PRKG1: variants seen among roughly 807,000 people sequenced by gnomAD.
PRKG1 encodes protein kinase cGMP-dependent 1, also known as cGMP-dependent protein kinase 1.
Under a neutral mutation model 88.1 loss-of-function variants are expected in PRKG1, and 35 were observed. The ratio of observed to expected loss-of-function variants is 0.40; its 90% confidence interval spans 0.30 to 0.53. PRKG1 has a LOEUF of 0.53. Ranked by LOEUF, PRKG1 falls within the 20% of genes least tolerant of loss-of-function variation. The pLI is 0.59. For missense variants in PRKG1, 540 were observed against 839.8 expected, an observed-to-expected ratio of 0.64 and a Z score of 4.41; for synonymous variants, 303 against 292.5, an observed-to-expected ratio of 1.04 and a Z score of -0.37.
At chr10:51,585,766 C>T (rs756153918) in intron 3 of PRKG1, among the ~76,000 whole-genome samples, 2 of 152,166 alleles carry the variant, frequency 1.3e-5, no homozygotes, top group African/African-American at 2.4e-5. Flanking sequence ...GGTGCATATA[C>T]ACCATGGAAT....
chr10:51,138,977 C>T (rs565608273), intron 1 of PRKG1, among the ~76,000 whole-genome samples: 5 of 152,158 alleles, frequency 3.3e-5, no homozygotes, highest in African/African-American at 7.2e-5. Context: ...CCACTCCGCC[C>T]GGCCACATTT....
rs139515627 is a variant in PRKG1, at chr10:51,968,036, G to A, written c.762+60466G>A. On this transcript the variant is annotated intron_variant, in intron 5 of 17. Coordinates refer to ENST00000373980, the MANE Select transcript of PRKG1 (RefSeq NM_006258.4). The stretch of plus-strand genomic sequence containing the variant: ...TTAGAGCTTAAGACAGTGTTTAGCC[G>A]TTTCCTTCTTACTAATACTTGAATT... 6.3e-3 allele frequency among the ~76,000 whole-genome samples: 957 copies of A among 152,218 alleles called. 5 individuals are homozygous for A. The highest frequency in any genetic ancestry group is 0.02 in the African/African-American group (840 of 41,540).
chr10:51,229,926 CAAAA>C (rs35300789), intron 2 of PRKG1, among the ~76,000 whole-genome samples: 1 of 33,588 alleles, frequency 3.0e-5, no homozygotes, highest in Non-Finnish European at 7.0e-5. Flanking sequence ...GAGGCGATCT[CAAAA>C]AAAAAAAAAA....
intron 9 of PRKG1, among the ~76,000 whole-genome samples, chr10:52,166,714 G>A (rs1272736707): frequency 6.8e-6 from 1 of 147,066 alleles, no homozygotes; most frequent in Non-Finnish European, 1.5e-5. Context: ...TGTATAGCTT[G>A]TATCTTTGAT....
chr10:52,118,257 C>T (rs901859211), intron 7 of PRKG1, among the ~76,000 whole-genome samples: 1 of 151,962 alleles, frequency 6.6e-6, no homozygotes, highest in Non-Finnish European at 1.5e-5. Context: ...TGTGAACTGA[C>T]TGTTCATGTC....
At chr10:51,323,366 A>G (rs930917138) in intron 2 of PRKG1, among the ~76,000 whole-genome samples, 20 of 152,222 alleles carry the variant, frequency 1.3e-4, no homozygotes, top group Non-Finnish European at 2.1e-4. Flanking sequence ...TTTAGTTATT[A>G]AATAGTTCAA....
intron 3 of PRKG1, among the ~76,000 whole-genome samples, chr10:51,623,794 G>A (rs925237784): frequency 1.3e-5 from 2 of 152,204 alleles, no homozygotes; most frequent in African/African-American, 2.4e-5. Flanking sequence ...GCGTGTTTCC[G>A]TCTGTGGACT....
chr10:51,741,611 G>A (rs931210911), intron 3 of PRKG1, among the ~76,000 whole-genome samples: 3 of 152,252 alleles, frequency 2.0e-5, no homozygotes, highest in South Asian at 2.1e-4. Context: ...GCTAGATAGT[G>A]ATGCAAGGTA....
At chr10:51,734,724 T>G (rs1837219589) in intron 3 of PRKG1, among the ~76,000 whole-genome samples, 1 of 152,162 alleles carries the variant, frequency 6.6e-6, no homozygotes, top group South Asian at 2.1e-4. Flanking sequence ...AACACTGGCT[T>G]CTTCCAAAAC....
intron 2 of PRKG1, among the ~76,000 whole-genome samples, chr10:51,342,216 G>T (rs1842018225): frequency 1.3e-5 from 2 of 152,138 alleles, no homozygotes; most frequent in Non-Finnish European, 2.9e-5. Context: ...TTATTTGTAG[G>T]ATAAGTAATA....
At chr10:52,119,835 G>A (rs1159429116) in intron 7 of PRKG1, among the ~76,000 whole-genome samples, 4 of 152,146 alleles carry the variant, frequency 2.6e-5, no homozygotes, top group Non-Finnish European at 5.9e-5. Flanking sequence ...TCTTTTGAGA[G>A]CCTTTTTGCT....
At chr10:52,081,731 C>T (rs553223293) in intron 7 of PRKG1, 6 of 454,714 alleles carry the variant, frequency 1.3e-5, no homozygotes, top group South Asian at 9.3e-5. Context: ...TAAGGGTGAA[C>T]AAGGTGGTAG....
intron 5 of PRKG1, among the ~76,000 whole-genome samples, chr10:52,047,088 T>C (rs1845879357): frequency 1.3e-5 from 2 of 152,078 alleles, no homozygotes; most frequent in South Asian, 2.1e-4. Flanking sequence ...AGATGTCCAG[T>C]AGGTTGGGAC....
intron 9 of PRKG1, among the ~76,000 whole-genome samples, chr10:52,243,778 G>A (rs548141750): frequency 6.6e-6 from 1 of 152,196 alleles, no homozygotes; most frequent in East Asian, 1.9e-4. Context: ...GTAGAAGAAA[G>A]GTGCTTTCTA....
intron 1 of PRKG1, among the ~76,000 whole-genome samples, chr10:51,067,060 G>A (rs939603842): frequency 2.6e-5 from 4 of 151,692 alleles, no homozygotes; most frequent in Non-Finnish European, 4.4e-5. Context: ...TTTCTTGAAA[G>A]AATCACCACT....
chr10:51,439,253 A>G (rs905606017), intron 2 of PRKG1, among the ~76,000 whole-genome samples: 1 of 151,866 alleles, frequency 6.6e-6, no homozygotes, highest in Non-Finnish European at 1.5e-5. Context: ...AGTAGGTACA[A>G]TTAGACTATG....
chr10:52,069,515 GT>G (rs1846441199), intron 7 of PRKG1, among the ~76,000 whole-genome samples: 2 of 151,492 alleles, frequency 1.3e-5, no homozygotes, highest in Admixed American at 1.3e-4. Context: ...GTGAGCCTGA[GT>G]GAGACTCCAT....
Position 51,673,263 on chromosome 10 carries a change from A to C in PRKG1, c.593-131322A>C, listed in dbSNP as rs7899566. Among the ~76,000 whole-genome samples, 314 of 152,332 alleles carry C rather than the reference A, an allele frequency of 2.1e-3. 2 individuals carry two copies. Among genetic ancestry groups the C allele is most frequent in the African/African-American group, 7.1e-3 (295 of 41,576 alleles). ...GTGGTGACAAGTGCTAAGAAGAAAA[A>C]TTAAGTGAAAAGAGAAAATAAAGAA... On this transcript the variant is annotated intron_variant, in intron 3 of 17. Transcript: ENST00000373980.
chr10:51,791,728 C>T (rs1330316510), intron 3 of PRKG1, among the ~76,000 whole-genome samples: 1 of 151,940 alleles, frequency 6.6e-6, no homozygotes, highest in Non-Finnish European at 1.5e-5. Flanking sequence ...CAGAAGGTTG[C>T]AGACATTTAG....
Sources: gnomAD v4.1 joint callset for allele counts (sites outside exome capture counted in the v4.1 genomes callset) on GRCh38, gnomAD v4.1.1 for gene constraint, MANE v1.5 for transcripts, NCBI Gene and HGNC (gene_info 2026-07-23, HGNC 2026-07-21) for gene names.